PABIR2: variants seen among roughly 807,000 people sequenced by gnomAD.
PABIR2 encodes family with sequence similarity 122B.
A neutral mutation model predicts 22.8 loss-of-function variants in PABIR2; 7 were observed. That is an observed-to-expected ratio of 0.31 (90% CI 0.17 to 0.58). The LOEUF is 0.58. Ranked by LOEUF, PABIR2 falls within the 20% of genes least tolerant of loss-of-function variation. The pLI, the probability that PABIR2 is intolerant of heterozygous loss-of-function variation, is 0.89. For missense variants in PABIR2, 155 were observed against 205.1 expected (o/e 0.76, Z 1.49); for synonymous variants, 67 against 73.8 (o/e 0.91, Z 0.47).
At chrX:134,780,828 A>G (rs905187430) in intron 9 of PABIR2, among the ~76,000 whole-genome samples, 2 of 112,445 alleles carry the variant, frequency 1.8e-5, no homozygotes, top group African/African-American at 6.5e-5. Context: ...GAAGGCCCTT[A>G]AAGACCTAAA....
intron 9 of PABIR2, among the ~76,000 whole-genome samples, chrX:134,776,898 GT>G (rs2078993530): frequency 8.9e-6 from 1 of 111,901 alleles, no homozygotes; most frequent in African/African-American, 3.3e-5. Context: ...AGTTGTTTCT[GT>G]AGTTTCATTA....
chrX:134,771,913 A>C lies in PABIR2; in HGVS notation c.*226T>G, dbSNP rs1465802064. The C allele has an allele frequency of 1.1e-6, 1 of 945,513 alleles. No individual in the cohort carries two copies. Among genetic ancestry groups the C allele is most frequent in the Non-Finnish European group, 1.3e-6 (1 of 761,165 alleles). 77.9% of individuals were successfully genotyped at this position (945,513 alleles called of 1,213,427 possible). A position where few individuals can be genotyped will look rare whatever the true frequency, so the allele number is the denominator to read the frequency against. On this transcript the variant is annotated 3_prime_UTR_variant, in exon 10 of 10. Coordinates refer to ENST00000343004, the MANE Select transcript of PABIR2 (RefSeq NM_001387468.1). ...AATCAAAAATCAGCATTTGAGATTTAATCACTAAATCCAAAATGAGATCAG... is the reference window on the plus strand; with the variant it reads ...AATCAAAAATCAGCATTTGAGATTTCATCACTAAATCCAAAATGAGATCAG...
At chrX:134,790,699 C>G in intron 2 of PABIR2, among the ~76,000 whole-genome samples, 1 of 111,655 alleles carries the variant, frequency 9.0e-6, no homozygotes, top group Non-Finnish European at 1.9e-5. Context: ...ACCACCATGC[C>G]CAGCGAATTT....
chrX:134,788,139 T>C (rs1316549599), intron 6 of PABIR2, among the ~76,000 whole-genome samples: 9 of 101,220 alleles, frequency 8.9e-5, no homozygotes, highest in Non-Finnish European at 1.8e-4. Context: ...TATATATGTG[T>C]AATATATACG....
At chrX:134,780,720 G>A (rs1047244874) in intron 9 of PABIR2, among the ~76,000 whole-genome samples, 2 of 112,310 alleles carry the variant, frequency 1.8e-5, no homozygotes, top group Non-Finnish European at 3.8e-5. Context: ...CCTGGTCACT[G>A]CTACTTATCC....
intron 9 of PABIR2, among the ~76,000 whole-genome samples, chrX:134,777,125 A>C (rs1163521782): frequency 3.6e-5 from 4 of 112,342 alleles, no homozygotes. Flanking sequence ...TTTGTTATCA[A>C]GTAGGTTGCC....
At position 134,784,948 on chromosome X, in the gene PABIR2, T is replaced by A. The variant is rs1249609589; in HGVS notation, c.562+938A>T. 2.7e-5 allele frequency among the ~76,000 whole-genome samples: 3 copies of A among 111,934 alleles called. No individual in the cohort carries two copies. In the East Asian group the frequency reaches 8.3e-4, roughly 31 times the overall value. On this transcript the variant is annotated intron_variant, in intron 8 of 9. Transcript: ENST00000343004. ...AGGCAATTCTTGCTTTGATGAGGCA[T>A]AATTTGATGAGGGGGTAAACCTTAC...
chrX:134,783,720 G>A (rs774798218), intron 8 of PABIR2, among the ~76,000 whole-genome samples: 24 of 106,138 alleles, frequency 2.3e-4, no homozygotes, highest in African/African-American at 8.1e-4. Flanking sequence ...GCAAGACTCC[G>A]TCTCAATTAA....
intron 9 of PABIR2, among the ~76,000 whole-genome samples, chrX:134,773,382 G>T (rs995316411): frequency 9.1e-6 from 1 of 109,412 alleles, no homozygotes; most frequent in African/African-American, 3.3e-5. Context: ...TTACAGTATT[G>T]TGCAGGAGAC....
intron 9 of PABIR2, among the ~76,000 whole-genome samples, chrX:134,778,333 C>CT (rs2079053464): frequency 9.6e-6 from 1 of 104,039 alleles, no homozygotes; most frequent in Non-Finnish European, 2.0e-5. Context: ...GAAACCCTGT[C>CT]TCTACTAAAA....
chrX:134,784,080 CAA>C (rs760399864), intron 8 of PABIR2, among the ~76,000 whole-genome samples: 99 of 48,322 alleles, frequency 2.0e-3, no homozygotes, highest in African/African-American at 5.3e-3. Flanking sequence ...GACCTTGCCT[CAA>C]AAAAAAAAAA....
At chrX:134,789,428 C>T (rs370642731) in intron 3 of PABIR2, 152 bp downstream of exon 3, 16 of 829,134 alleles carry the variant, frequency 1.9e-5, no homozygotes, top group African/African-American at 8.1e-5. Context: ...ACATTCATGC[C>T]GCTTGTATAT....
At chrX:134,790,341 T>C (rs1330208854) in intron 2 of PABIR2, among the ~76,000 whole-genome samples, 1 of 112,188 alleles carries the variant, frequency 8.9e-6, no homozygotes, top group Admixed American at 9.5e-5. Context: ...TAAGACACAA[T>C]TCATATCAAC....
intron 8 of PABIR2, among the ~76,000 whole-genome samples, chrX:134,785,446 ATT>A (rs778945054): frequency 9.6e-6 from 1 of 104,297 alleles, no homozygotes. Context: ...ATCACAGTCA[ATT>A]TTTTTTTTTT....
At position 134,783,328 on chromosome X, in the gene PABIR2, G is replaced by C. The variant is rs192159232; in HGVS notation, c.563-1411C>G. Among the ~76,000 whole-genome samples the C allele has an allele frequency of 1.3e-3, 141 of 112,492 alleles. 1 individual carries two copies. The highest frequency in any genetic ancestry group is 4.5e-3 in the African/African-American group (139 of 31,027). ...CTGTGTATGATCCTATGATTGGAAA[G>C]TTTTCAAAGCCACAAATACCTGTTC... On this transcript the variant is annotated intron_variant, in intron 8 of 9. Transcript: ENST00000343004.
Position 134,796,402 on chromosome X carries a change from A to C in PABIR2, c.-197T>G. On this transcript the variant is annotated 5_prime_UTR_variant, in exon 1 of 10. Coordinates refer to ENST00000343004, the MANE Select transcript of PABIR2 (RefSeq NM_001387468.1). ...AGAGGAGGAGGGAAGGAGGATGATG[A>C]TGAGGAAGGGAGGATGATGGTGAGG... 2.5e-6 allele frequency: 1 copy of C among 396,521 alleles called. No individual in the cohort carries two copies. The highest frequency in any genetic ancestry group is 4.4e-6 in the Non-Finnish European group (1 of 227,100). 32.7% of individuals were successfully genotyped at this position (396,521 alleles called of 1,213,427 possible). A position where few individuals can be genotyped will look rare whatever the true frequency, so the allele number is the denominator to read the frequency against.
chrX:134,784,827 TACTAA>T (rs974829286), intron 8 of PABIR2, among the ~76,000 whole-genome samples: 21 of 111,313 alleles, frequency 1.9e-4, no homozygotes, highest in South Asian at 1.1e-3. Context: ...TGTTGACTGA[TACTAA>T]ACTAAACTAT....
chrX:134,784,960 G>A (rs973249904), intron 8 of PABIR2, among the ~76,000 whole-genome samples: 2 of 111,467 alleles, frequency 1.8e-5, no homozygotes, highest in African/African-American at 6.5e-5. Flanking sequence ...ATTTGATGAG[G>A]GGGTAAACCT....
intron 2 of PABIR2, among the ~76,000 whole-genome samples, chrX:134,792,536 T>C (rs1273684311): frequency 3.6e-5 from 4 of 112,411 alleles, no homozygotes; most frequent in Non-Finnish European, 7.5e-5. Flanking sequence ...CATTTCCCCC[T>C]GTAAGTATTT....
Sources: gnomAD v4.1 joint callset for allele counts (sites outside exome capture counted in the v4.1 genomes callset) on GRCh38, gnomAD v4.1.1 for gene constraint, MANE v1.5 for transcripts, NCBI Gene and HGNC (gene_info 2026-07-23, HGNC 2026-07-21) for gene names.